The following TRPC7 variants were observed in gnomAD, a reference collection of about 807,000 sequenced individuals.
The protein encoded by TRPC7 is short transient receptor potential channel 7.
In TRPC7, 42 loss-of-function variants were observed where a neutral mutation model predicts 90.1. The ratio of observed to expected loss-of-function variants is 0.47; its 90% CI spans 0.36 to 0.60. The LOEUF is 0.60. Among genes scored for constraint, TRPC7 ranks in the 20% least tolerant of loss-of-function variants. The probability of loss-of-function intolerance (pLI) is 0.00; values close to 1 mark genes in which losing one functional copy is unlikely to be tolerated. For synonymous variants in TRPC7, 451 were observed against 436.3 expected (o/e 1.03, Z -0.42); for missense variants, 955 against 1,112.3 (o/e 0.86, Z 2.01).
chr5:136,291,883 T>G (rs552436167), intron 3 of TRPC7, among the ~76,000 whole-genome samples: 1 of 152,090 alleles, frequency 6.6e-6, no homozygotes. Flanking sequence ...ATTGACCACA[T>G]AGTTGGAAGT....
chr5:136,361,107 G>A (rs561736420), intron 1 of TRPC7, among the ~76,000 whole-genome samples: 1 of 152,272 alleles, frequency 6.6e-6, no homozygotes, highest in South Asian at 2.1e-4. Context: ...GTGCTGCCCT[G>A]ATGAACTCTG....
intron 2 of TRPC7, among the ~76,000 whole-genome samples, chr5:136,352,279 T>C (rs1167352511): frequency 6.6e-6 from 1 of 152,202 alleles, no homozygotes; most frequent in Non-Finnish European, 1.5e-5. Flanking sequence ...TTTCTTTCCA[T>C]GTCCCCGCCC....
At chr5:136,319,983 C>A (rs1283925604) in intron 2 of TRPC7, among the ~76,000 whole-genome samples, 4 of 152,122 alleles carry the variant, frequency 2.6e-5, no homozygotes, top group African/African-American at 9.7e-5. Context: ...CAATACCACC[C>A]ATACACTGGA....
chr5:136,260,323 AG>A (rs1281118278), intron 5 of TRPC7, among the ~76,000 whole-genome samples: 2 of 152,226 alleles, frequency 1.3e-5, no homozygotes, highest in Non-Finnish European at 2.9e-5. Flanking sequence ...ATGGTTATGC[AG>A]AGAAACAAAA....
intron 2 of TRPC7, among the ~76,000 whole-genome samples, chr5:136,337,113 G>A (rs548670680): frequency 6.6e-6 from 1 of 152,276 alleles, no homozygotes; most frequent in South Asian, 2.1e-4. Flanking sequence ...GTCCTGGGAA[G>A]AGTCTGTCCA....
chr5:136,230,656 C>G (rs1301868265), intron 8 of TRPC7, among the ~76,000 whole-genome samples: 2 of 152,206 alleles, frequency 1.3e-5, no homozygotes, highest in African/African-American at 2.4e-5. Flanking sequence ...TAATTTCTTG[C>G]TGTTCCAAAC....
intron 5 of TRPC7, among the ~76,000 whole-genome samples, chr5:136,253,578 T>C (rs1756595278): frequency 6.6e-6 from 1 of 152,222 alleles, no homozygotes; most frequent in Non-Finnish European, 1.5e-5. Context: ...ATGTTACTAT[T>C]GTAACTGATT....
At chr5:136,303,635 T>C (rs1018959334) in intron 3 of TRPC7, 12 of 151,880 alleles carry the variant, frequency 7.9e-5, no homozygotes, top group African/African-American at 2.9e-4. Context: ...CAGCCCGGGA[T>C]TCCTCCTAAG....
chr5:136,241,598 C>T (rs1313969019), intron 7 of TRPC7, among the ~76,000 whole-genome samples: 1 of 152,036 alleles, frequency 6.6e-6, no homozygotes, highest in Non-Finnish European at 1.5e-5. Flanking sequence ...CTCTGTCACC[C>T]AGGCTGCAGT....
Position 136,270,752 on chromosome 5 carries a change from G to T in TRPC7, c.1128+3921C>A, listed in dbSNP as rs535514816. On this transcript the variant is annotated intron_variant, in intron 4 of 11. Coordinates refer to ENST00000513104, the MANE Select transcript of TRPC7 (RefSeq NM_020389.3). ...GCAGGGCTCAGCCTGGGCTAAGTCT[G>T]GGCTAAGTCTGAAAGTGATCAGCTT... 4.6e-5 allele frequency among the ~76,000 whole-genome samples: 7 copies of T among 152,324 alleles called. No individual in the cohort carries two copies. The South Asian group carries it at 1.2e-3, about 27-fold the overall frequency.
chr5:136,306,847 G>A (rs538718490), intron 3 of TRPC7, among the ~76,000 whole-genome samples: 212 of 152,046 alleles, frequency 1.4e-3, no homozygotes, highest in African/African-American at 4.6e-3. Context: ...ACCCCTGCCC[G>A]CAAAACATTG....
chr5:136,274,492 A>T (rs1757298582), intron 4 of TRPC7, among the ~76,000 whole-genome samples, 181 bp downstream of exon 4: 1 of 152,212 alleles, frequency 6.6e-6, no homozygotes, highest in Admixed American at 6.5e-5. Context: ...AAAAGATTTA[A>T]AAAAGCACGT....
chr5:136,215,552 G>A (rs1755237876), intron 11 of TRPC7, among the ~76,000 whole-genome samples: 1 of 152,244 alleles, frequency 6.6e-6, no homozygotes, highest in Non-Finnish European at 1.5e-5. Context: ...GCCGGGCGCA[G>A]TGGCTCATGC....
In TRPC7 at chr5:136,251,835, C is replaced by G; in HGVS notation, c.1393G>C (p.Glu465Gln). ...CKEIWEEGPR[E>Q]YVLHLWNLLD... ...AGGTTCCACAAGTGCAGCACGTACT[C>G]CCGTGGCCCCTCCTCCCAGATTTCC... The change falls in exon 6 of 12, where the codon GAG (glutamate) becomes CAG (glutamine). Residue 465 changes from glutamate to glutamine, a missense_variant. Physicochemically the swap from Glu to Gln is conservative, Grantham distance 29 (BLOSUM62 2). Transcript: ENST00000513104. 1 of 1,614,016 alleles carries G rather than the reference C, an allele frequency of 6.2e-7. No homozygotes were observed. Among genetic ancestry groups the G allele is most frequent in the Non-Finnish European group, 8.5e-7 (1 of 1,179,894 alleles).
intron 5 of TRPC7, among the ~76,000 whole-genome samples, chr5:136,260,668 G>A (rs1245788436): frequency 3.9e-5 from 6 of 152,206 alleles, no homozygotes; most frequent in African/African-American, 1.2e-4. Flanking sequence ...TGAGGGAAAT[G>A]GGAAGCCACT....
Position 136,365,269 on chromosome 5 carries a change from G to A in TRPC7, c.-15C>T, listed in dbSNP as rs1386826567. 4 of 1,537,068 alleles carry A rather than the reference G, an allele frequency of 2.6e-6. No homozygotes were observed. The highest frequency in any genetic ancestry group is 2.0e-5 in the Admixed American group (1 of 50,974). ...GCTGCTTACATTGAGGGTGTAATAC[G>A]CAGGCTTGTTCCTCCTCTAGATGAC... On this transcript the variant is annotated 5_prime_UTR_variant, in exon 1 of 12. Coordinates refer to ENST00000513104, the MANE Select transcript of TRPC7 (RefSeq NM_020389.3).
chr5:136,229,609 C>T (rs1332792416), intron 8 of TRPC7, among the ~76,000 whole-genome samples: 1 of 152,166 alleles, frequency 6.6e-6, no homozygotes, highest in African/African-American at 2.4e-5. Flanking sequence ...ATCTGCAAGC[C>T]AAGCAGAGAG....
intron 3 of TRPC7, among the ~76,000 whole-genome samples, chr5:136,304,613 T>C (rs1044758974): frequency 3.3e-5 from 5 of 152,164 alleles, no homozygotes; most frequent in Non-Finnish European, 4.4e-5. Flanking sequence ...CTCTCTTTGC[T>C]TTCACTTAGA....
intron 3 of TRPC7, among the ~76,000 whole-genome samples, chr5:136,312,891 A>G (rs1758878941): frequency 6.6e-6 from 1 of 151,966 alleles, no homozygotes; most frequent in Non-Finnish European, 1.5e-5. Flanking sequence ...AGACTGATAC[A>G]TGAAAAACTA....
Sources: allele counts gnomAD v4.1 joint callset (sites outside exome capture counted in the v4.1 genomes callset), GRCh38; gene constraint gnomAD v4.1.1; transcripts MANE v1.5; gene names NCBI Gene and HGNC (gene_info 2026-07-23, HGNC 2026-07-21).